ARHGEF16: variants seen among roughly 807,000 people sequenced by gnomAD.
The protein encoded by ARHGEF16 is Rho guanine nucleotide exchange factor 16.
Under a neutral mutation model 74.1 loss-of-function variants are expected in ARHGEF16, and 59 were observed. The observed-to-expected ratio is 0.80, with a 90% CI of 0.65 to 0.99. ARHGEF16 has a LOEUF of 0.99. ARHGEF16 is among the 50% of genes least tolerant of loss of function. The probability of loss-of-function intolerance (pLI) is 0.00; values close to 1 mark genes in which losing one functional copy is unlikely to be tolerated. For missense variants in ARHGEF16, 948 were observed against 986.6 expected (o/e 0.96, Z 0.52); for synonymous variants, 415 against 412.6 (o/e 1.01, Z -0.07).
intron 6 of ARHGEF16, among the ~76,000 whole-genome samples, chr1:3,470,322 G>A (rs1569860180): frequency 6.6e-6 from 1 of 150,918 alleles, no homozygotes; most frequent in East Asian, 2.0e-4. Context: ...GGGTGTGTCT[G>A]CACGGGTGTG....
At chr1:3,456,127 AC>A (rs1407164137) in intron 1 of ARHGEF16, among the ~76,000 whole-genome samples, 1 of 151,794 alleles carries the variant, frequency 6.6e-6, no homozygotes, top group African/African-American at 2.4e-5. Flanking sequence ...CTGGGGAGAA[AC>A]CCTTGTTGGG....
At chr1:3,462,483 C>T (rs960527977) in intron 1 of ARHGEF16, among the ~76,000 whole-genome samples, 1 of 152,184 alleles carries the variant, frequency 6.6e-6, no homozygotes, top group African/African-American at 2.4e-5. Flanking sequence ...GAGCCTGGCT[C>T]AGGTGCCTGG....
In ARHGEF16 at chr1:3,473,611, G is replaced by A. The variant is rs751516558; in HGVS notation, c.1305+89G>A. 2.5e-6 allele frequency: 4 copies of A among 1,570,418 alleles called. No homozygotes were observed. In the South Asian group the frequency reaches 3.3e-5, roughly 13 times the overall value. On this transcript the variant is annotated intron_variant, in intron 8 of 14. Transcript: ENST00000378378. Reference sequence around the variant, plus strand: ...GCCCCGGATGGAGCATTACGTGCTTGTGACCTTCTCCTCCAGGCTTGGCCT... The same window carrying A: ...GCCCCGGATGGAGCATTACGTGCTTATGACCTTCTCCTCCAGGCTTGGCCT...
chr1:3,470,737 G>A (rs1248261801), intron 6 of ARHGEF16, among the ~76,000 whole-genome samples: 1 of 151,096 alleles, frequency 6.6e-6, no homozygotes, highest in African/African-American at 2.4e-5. Context: ...GGGTGTGTGT[G>A]AGTGGGCTGG....
chr1:3,467,811 A>G (rs58762663), intron 4 of ARHGEF16, among the ~76,000 whole-genome samples: 6,868 of 152,178 alleles, frequency 0.045, 514 homozygotes, highest in African/African-American at 0.15. Context: ...ATTGGTCCCC[A>G]TGCTTGGGGG....
Position 3,478,557 on chromosome 1 carries a change from C to T in ARHGEF16, c.1759C>T (p.Leu587=), listed in dbSNP as rs1482346441. 1 of 1,612,626 alleles carries T rather than the reference C, an allele frequency of 6.2e-7. No individual in the cohort carries two copies. ...CGTGCCCCACCCCTTCCAGGTGACC[C>T]TGCTTCGCAACAGCGAGGGCCGCCA... ...SSVPHPFQVT[L]LRNSEGRQEQ... Residue 587 remains leucine (L), a synonymous_variant, in exon 12 of 15, where the codon CTG becomes TTG. Transcript: ENST00000378378.
Position 3,480,537 on chromosome 1 carries a change from G to A in ARHGEF16, c.2080G>A (p.Glu694Lys), listed in dbSNP as rs1208212397. The A allele has an allele frequency of 6.2e-7, 1 of 1,611,756 alleles. No individual in the cohort carries two copies. Among genetic ancestry groups the A allele is most frequent in the East Asian group, 2.2e-5 (1 of 44,894 alleles). The change falls in exon 15 of 15, where the codon GAG (glutamate) becomes AAG (lysine). Residue 694 changes from glutamate to lysine, a missense_variant. Transcript: ENST00000378378. Reference protein sequence around the residue: ...ARFITSRVAVEGNVRRMERLR... With the variant: ...ARFITSRVAVKGNVRRMERLR... ...CTTCATCACCAGCCGTGTGGCCGTG[G>A]AGGGCAATGTCCGCAGGATGGAGCG... is the stretch of plus-strand genomic sequence containing the variant.
intron 1 of ARHGEF16, among the ~76,000 whole-genome samples, chr1:3,460,520 G>A (rs1466200401): frequency 6.6e-6 from 1 of 152,178 alleles, no homozygotes; most frequent in Non-Finnish European, 1.5e-5. Flanking sequence ...CACATCAAAT[G>A]CCCCCCAGGT....
At chr1:3,464,549 C>A (rs951857204) in intron 2 of ARHGEF16, among the ~76,000 whole-genome samples, 22 of 152,312 alleles carry the variant, frequency 1.4e-4, no homozygotes, top group Admixed American at 1.2e-3. Flanking sequence ...GCAGCCCGAG[C>A]ACCCTCAAGA....
At chr1:3,468,843 C>A in intron 4 of ARHGEF16, 37 bp from the exon 5 acceptor site, 1 of 1,548,730 alleles carries the variant, frequency 6.5e-7, no homozygotes, top group Non-Finnish European at 8.7e-7. Context: ...GCTTCTAGGA[C>A]GTGTGACCGA....
chr1:3,463,975 C>T (rs1286300330), intron 2 of ARHGEF16, among the ~76,000 whole-genome samples: 3 of 152,196 alleles, frequency 2.0e-5, no homozygotes, highest in South Asian at 2.1e-4. Flanking sequence ...TCCCTGTTTC[C>T]GAGCTCTGGA....
chr1:3,459,387 A>T lies in ARHGEF16; in HGVS notation c.-19-3679A>T, dbSNP rs533234729. Among the ~76,000 whole-genome samples, 3 of 152,310 alleles carry T rather than the reference A, an allele frequency of 2.0e-5. No homozygotes were observed. The East Asian group carries it at 5.8e-4, about 29-fold the overall frequency. On this transcript the variant is annotated intron_variant, in intron 1 of 14. Transcript: ENST00000378378. The stretch of plus-strand genomic sequence containing the variant: ...CGCTGCCCGACTCTGGGAGAAAACC[A>T]TCTACAGTGGGAATGCTCATCTCCT...
chr1:3,468,393 G>A (rs1487727613), intron 4 of ARHGEF16, among the ~76,000 whole-genome samples: 5 of 152,214 alleles, frequency 3.3e-5, no homozygotes, highest in Admixed American at 6.5e-5. Context: ...CCACACTCCC[G>A]CCAAGGCGAC....
intron 12 of ARHGEF16, among the ~76,000 whole-genome samples, chr1:3,478,869 G>T (rs903800517): frequency 1.3e-5 from 2 of 152,222 alleles, no homozygotes; most frequent in African/African-American, 4.8e-5. Flanking sequence ...ACGAGGTGGG[G>T]GGTGGGGTGC....
In ARHGEF16 at chr1:3,473,092, T is replaced by C. The variant is rs759584964; in HGVS notation, c.1037T>C (p.Leu346Pro). ...LGASQRFFED[L>P]EQRHKAQVLV... is the part of the protein sequence containing the mutation. ...CTTGCCTTCAGGTTCTTCGAGGACC[T>C]GGAGCAGCGGCACAAGGCCCAGGTG... Residue 346 changes from leucine (L) to proline (P), a missense_variant, in exon 7 of 15, where the codon CTG (leucine) becomes CCG (proline). By Grantham distance (98) the Leu-to-Pro change is moderately conservative. Transcript: ENST00000378378. 7 of 1,612,940 alleles carry C rather than the reference T, an allele frequency of 4.3e-6. No homozygotes were observed. The highest frequency in any genetic ancestry group is 5.9e-6 in the Non-Finnish European group (7 of 1,179,816).
At chr1:3,471,817 C>T in intron 6 of ARHGEF16, 1 of 1,071,884 alleles carries the variant, frequency 9.3e-7, no homozygotes, top group Non-Finnish European at 1.2e-6. Flanking sequence ...GCGGCTCTCC[C>T]AGACCTTTCT....
rs1265398031 is a variant in ARHGEF16, at chr1:3,479,914, G to C, written c.1990+1G>C. The stretch of plus-strand genomic sequence containing the variant: ...GTCCTGGTTCTGCAGCAGGAGGATG[G>C]TGAGTGCAGGGGCGTTGGGCACAGA... On this transcript the variant is annotated splice_donor_variant, in intron 14 of 14. Coordinates refer to ENST00000378378, the MANE Select transcript of ARHGEF16 (RefSeq NM_014448.4). LOFTEE classifies it high-confidence loss of function. 6.2e-7 allele frequency: 1 copy of C among 1,612,166 alleles called. No homozygotes were observed. The highest frequency in any genetic ancestry group is 2.2e-5 in the East Asian group (1 of 44,880).
In ARHGEF16 at chr1:3,467,308, G is replaced by A. The variant is rs755568262; in HGVS notation, c.775G>A (p.Ala259Thr). 98 of 1,549,780 alleles carry A rather than the reference G, an allele frequency of 6.3e-5. No individual in the cohort carries two copies. The highest frequency in any genetic ancestry group is 2.9e-4 in the Admixed American group (15 of 50,968). ...CATTGTGGTCAAGAGCTACCGGCCCGCCCAGGTCACCTGGAGCCAGCTCCC... is the reference window on the plus strand; with the variant it reads ...CATTGTGGTCAAGAGCTACCGGCCCACCCAGGTCACCTGGAGCCAGCTCCC... ...ATIVVKSYRPAQVTWSQLPEV... is the reference protein window; with the variant it reads ...ATIVVKSYRPTQVTWSQLPEV... The change falls in exon 4 of 15, where the codon GCC becomes ACC. Residue 259 changes from alanine to threonine, a missense_variant. Transcript: ENST00000378378.
At position 3,473,412 on chromosome 1, in the gene ARHGEF16, C is replaced by A. The variant is rs761184077; in HGVS notation, c.1195C>A (p.Arg399=). ...QKLISSNAAF[R]EALREIERRP... ...TTGCAGAAGCAGCAACGCCGCCTTC[C>A]GAGAGGCCCTGAGAGAGATTGAGAG... Residue 399 remains arginine (R), a synonymous_variant, in exon 8 of 15, where the codon CGA becomes AGA. Coordinates refer to ENST00000378378, the MANE Select transcript of ARHGEF16 (RefSeq NM_014448.4). 4 of 1,609,582 alleles carry A rather than the reference C, an allele frequency of 2.5e-6. No individual in the cohort carries two copies. Among genetic ancestry groups the A allele is most frequent in the Non-Finnish European group, 3.4e-6 (4 of 1,177,884 alleles).
Sources: allele counts gnomAD v4.1 joint callset (sites outside exome capture counted in the v4.1 genomes callset), GRCh38; gene constraint gnomAD v4.1.1; transcripts MANE v1.5; gene names NCBI Gene and HGNC (gene_info 2026-07-23, HGNC 2026-07-21).